SYNE1: variants seen among roughly 807,000 people sequenced by gnomAD.
SYNE1 encodes nesprin-1.
Under a neutral mutation model 1,111.0 loss-of-function variants are expected in SYNE1, and 616 were observed. That is an observed-to-expected ratio of 0.55 (90% CI 0.52 to 0.59). SYNE1 has a LOEUF of 0.59. Ranked by LOEUF, SYNE1 falls within the 20% of genes least tolerant of loss-of-function variation. The pLI is 0.00. For missense variants in SYNE1, 10,006 were observed against 10,417.0 expected (o/e 0.96, Z 1.72); for synonymous variants, 3,855 against 3,825.8 (o/e 1.01, Z -0.28).
rs759723208 is a variant in SYNE1 at position 152,407,166 on chromosome 6, T to C, written c.6571A>G (p.Arg2191Gly). 6.2e-7 allele frequency: 1 copy of C among 1,614,120 alleles called. No homozygotes were observed. Among genetic ancestry groups the C allele is most frequent in the Admixed American group, 1.7e-5 (1 of 60,028 alleles). The change falls in exon 45 of 146, where the codon AGG (arginine) becomes GGG (glycine). Residue 2191 changes from arginine (R) to glycine (G), a missense_variant. Arg to Gly is a moderately radical substitution (Grantham distance 125). Around this residue, in one of 7 missense-constraint regions of SYNE1, gnomAD observed 4,955 missense variants for 5,017.2 expected, o/e 0.99. Coordinates refer to ENST00000367255, the MANE Select transcript of SYNE1 (RefSeq NM_182961.4). ...VSEKLEENMD[R>G]LRVSLSIWDD... ...CAAATGGACAGGCTTACTCTCAGCC[T>C]ATCCATGTTTTCTTCAAGTTTCTCT...
chr6:152,596,592 T>A (rs1247960348), intron 3 of SYNE1, among the ~76,000 whole-genome samples: 1 of 152,146 alleles, frequency 6.6e-6, no homozygotes, highest in Admixed American at 6.5e-5. Flanking sequence ...TTATTATTAT[T>A]CTTATTTCTT....
Position 152,213,558 on chromosome 6 carries a change from C to G in SYNE1, c.22494+54G>C. 1.9e-6 allele frequency: 3 copies of G among 1,601,246 alleles called. No homozygotes were observed. In the South Asian group the frequency reaches 3.3e-5, roughly 18 times the overall value. On this transcript the variant is annotated intron_variant, in intron 123 of 145. Coordinates refer to ENST00000367255, the MANE Select transcript of SYNE1 (RefSeq NM_182961.4). ...TCTCCCACACAGCATTTCGTAGCAT[C>G]TTCTAAGGGCCTAAAAATTTCTTAT...
At chr6:152,595,803 AC>A (rs2099579410) in intron 3 of SYNE1, among the ~76,000 whole-genome samples, 1 of 152,274 alleles carries the variant, frequency 6.6e-6, no homozygotes, top group Admixed American at 6.5e-5. Context: ...TCAAGGTCAC[AC>A]AGCTGCCTCA....
At chr6:152,472,496 A>G (rs1485368016) in intron 14 of SYNE1, 83 bp from the exon 15 acceptor site, 1 of 1,223,132 alleles carries the variant, frequency 8.2e-7, no homozygotes, top group Non-Finnish European at 1.2e-6. Flanking sequence ...GCCCGCACCG[A>G]TGAGTCAATG....
At chr6:152,208,494 A>G (rs1002950005) in intron 124 of SYNE1, among the ~76,000 whole-genome samples, 1 of 152,158 alleles carries the variant, frequency 6.6e-6, no homozygotes, top group African/African-American at 2.4e-5. Flanking sequence ...TGAGAGCATG[A>G]GAGGGGAGGA....
At chr6:152,624,407 C>T (rs1419636480) in intron 3 of SYNE1, among the ~76,000 whole-genome samples, 2 of 151,978 alleles carry the variant, frequency 1.3e-5, no homozygotes, top group Non-Finnish European at 2.9e-5. Flanking sequence ...TAAAAAATTA[C>T]AAAAAAGCCT....
intron 124 of SYNE1, among the ~76,000 whole-genome samples, chr6:152,208,888 A>T (rs898826532): frequency 2.0e-5 from 3 of 152,230 alleles, no homozygotes; most frequent in Non-Finnish European, 4.4e-5. Flanking sequence ...ATTTAGAAAT[A>T]ATAAATTTTA....
At chr6:152,429,389 G>A (rs1030334673) in intron 36 of SYNE1, among the ~76,000 whole-genome samples, 29 of 151,868 alleles carry the variant, frequency 1.9e-4, no homozygotes, top group African/African-American at 6.8e-4. Flanking sequence ...CTCATTTTTT[G>A]TATTAAGAAA....
At position 152,164,211 on chromosome 6, in the gene SYNE1, G is replaced by A. The variant is rs781192759; in HGVS notation, c.23742C>T (p.Tyr7914=). 8.7e-6 allele frequency: 14 copies of A among 1,614,016 alleles called. No homozygotes were observed. The East Asian group carries it at 8.9e-5, about 10-fold the overall frequency. ...IESELAKPIV[Y]DSCNSEEIQR... ...GTATTTCTTCCGAGTTACAGGAATC[G>A]TAGACTATTGGCTTGGCCAGCTCTG... The change falls in exon 131 of 146, where the codon TAC becomes TAT. Residue 7914 remains tyrosine (Y), a synonymous_variant. Coordinates refer to ENST00000367255, the MANE Select transcript of SYNE1 (RefSeq NM_182961.4).
At chr6:152,600,427 A>G (rs2099593432) in intron 3 of SYNE1, among the ~76,000 whole-genome samples, 1 of 152,158 alleles carries the variant, frequency 6.6e-6, no homozygotes. Context: ...TATTTTTTTA[A>G]AAAGCAAACA....
intron 3 of SYNE1, among the ~76,000 whole-genome samples, chr6:152,593,238 A>G (rs1232398042): frequency 6.6e-6 from 1 of 151,734 alleles, no homozygotes; most frequent in African/African-American, 2.4e-5. Context: ...ATAGCATTCA[A>G]TGAGGACTTG....
Position 152,329,803 on chromosome 6 carries a change from G to T in SYNE1, c.14882C>A (p.Ala4961Glu), listed in dbSNP as rs774556402. ...KFTKAKELIS[A>E]DLEHSLAELS... The stretch of plus-strand genomic sequence containing the variant: ...CTCAGCGAGGCTGTGTTCTAAATCC[G>T]CAGAAATCAGCTCCTTGGCCTTTGT... Residue 4961 changes from alanine to glutamate, a missense_variant, in exon 78 of 146, where the codon GCG (alanine) becomes GAG (glutamate). Around this residue, in one of 7 missense-constraint regions of SYNE1, gnomAD observed 4,955 missense variants for 5,017.2 expected, o/e 0.99. Transcript: ENST00000367255. 1.9e-6 allele frequency: 3 copies of T among 1,614,170 alleles called. No homozygotes were observed. Among genetic ancestry groups the T allele is most frequent in the Admixed American group, 1.7e-5 (1 of 60,028 alleles).
intron 126 of SYNE1, among the ~76,000 whole-genome samples, chr6:152,203,656 C>T (rs2153381048): frequency 6.6e-6 from 1 of 152,230 alleles, no homozygotes; most frequent in Admixed American, 6.5e-5. Context: ...CATAACAACC[C>T]AGAGGTGTTA....
chr6:152,503,006 C>A (rs1443662292), intron 9 of SYNE1, among the ~76,000 whole-genome samples: 1 of 152,128 alleles, frequency 6.6e-6, no homozygotes, highest in Non-Finnish European at 1.5e-5. Context: ...ATAAGACATA[C>A]AGTATCTCAT....
At chr6:152,614,100 C>T (rs2099639444) in intron 3 of SYNE1, among the ~76,000 whole-genome samples, 2 of 152,042 alleles carry the variant, frequency 1.3e-5, no homozygotes, top group South Asian at 4.1e-4. Context: ...ACTAAAACAC[C>T]AAAAGCAATG....
chr6:152,627,423 C>G (rs915200836), intron 3 of SYNE1, among the ~76,000 whole-genome samples: 1 of 149,854 alleles, frequency 6.7e-6, no homozygotes, highest in East Asian at 2.0e-4. Context: ...GAGGCCAAGG[C>G]AGGCAGATCA....
intron 97 of SYNE1, among the ~76,000 whole-genome samples, chr6:152,280,977 A>G (rs914524309): frequency 2.6e-5 from 4 of 152,232 alleles, no homozygotes; most frequent in Admixed American, 6.5e-5. Flanking sequence ...GTTAGTGTGC[A>G]CTAAGTAATG....
chr6:152,601,561 G>T (rs969488715), intron 3 of SYNE1, among the ~76,000 whole-genome samples: 2 of 152,124 alleles, frequency 1.3e-5, no homozygotes, highest in Non-Finnish European at 2.9e-5. Flanking sequence ...AATATACAAA[G>T]AACCCAGGCA....
chr6:152,233,420 G>T (rs1415121974), intron 112 of SYNE1, among the ~76,000 whole-genome samples: 1 of 151,780 alleles, frequency 6.6e-6, no homozygotes, highest in Non-Finnish European at 1.5e-5. Context: ...TGCCTCCCCA[G>T]TTCAAACAAT....
Sources: gnomAD v4.1 joint callset for allele counts (sites outside exome capture counted in the v4.1 genomes callset) on GRCh38, gnomAD v4.1.1 for gene constraint, gnomAD v4.1.1 regional missense constraint, MANE v1.5 for transcripts, NCBI Gene and HGNC (gene_info 2026-07-23, HGNC 2026-07-21) for gene names.